Variants in CHD6 observed in about 807,000 individuals in gnomAD.
The protein encoded by CHD6 is chromodomain helicase DNA binding protein 6.
Under a neutral mutation model 276.9 loss-of-function variants are expected in CHD6, and 50 were observed. That is an observed-to-expected ratio of 0.18 (90% CI 0.14 to 0.23). CHD6 has a LOEUF of 0.23. CHD6 is among the 10% of genes least tolerant of loss of function. The probability of loss-of-function intolerance (pLI) is 1.00; values close to 1 mark genes in which losing one functional copy is unlikely to be tolerated. For synonymous variants in CHD6, 1,173 were observed against 1,229.3 expected (o/e 0.95, Z 0.96); for missense variants, 2,564 against 3,365.8 (o/e 0.76, Z 5.89).
intron 2 of CHD6, among the ~76,000 whole-genome samples, chr20:41,544,773 AATC>A (rs758982195): frequency 6.0e-5 from 9 of 151,256 alleles, no homozygotes; most frequent in South Asian, 2.1e-4. Flanking sequence ...ATATTATAAT[AATC>A]ATATTACTGT....
chr20:41,417,108 G>A (rs577422962), intron 32 of CHD6, 90 bp downstream of exon 32: 6 of 1,215,418 alleles, frequency 4.9e-6, no homozygotes, highest in Admixed American at 4.7e-5. Flanking sequence ...TGAGTTTCTT[G>A]TTCAGAACTA....
chr20:41,473,178 C>T lies in CHD6; in HGVS notation c.2664+144G>A. 7.7e-6 allele frequency: 5 copies of T among 649,410 alleles called. No individual in the cohort carries two copies. The highest frequency in any genetic ancestry group is 6.8e-5 in the South Asian group (3 of 44,404). The allele number at this position is 649,410 out of a possible 1,614,324, so 40.2% of individuals were successfully genotyped here. Reference sequence around the variant, plus strand: ...GACATTTACTTTTCATTCAGTTTCACCCCCTGACCAAGGCCCTAAGCCTGT... The same window carrying T: ...GACATTTACTTTTCATTCAGTTTCATCCCCTGACCAAGGCCCTAAGCCTGT... On this transcript the variant is annotated intron_variant, in intron 17 of 36. Coordinates refer to ENST00000373233, the MANE Select transcript of CHD6 (RefSeq NM_032221.5). The surrounding 1 kb of genome is among the most constrained non-coding windows in gnomAD (Gnocchi z 4.1).
chr20:41,448,956 C>T lies in CHD6; in HGVS notation c.3684-985G>A, dbSNP rs528959481. ...TGCTCTTGTCGCCCAGGCTGGAGTG[C>T]AATGGCGCGATCTTGGCTCACTGCA... On this transcript the variant is annotated intron_variant, in intron 23 of 36. Transcript: ENST00000373233. Among the ~76,000 whole-genome samples the T allele has an allele frequency of 4.6e-5, 7 of 150,684 alleles. No individual in the cohort carries two copies. The South Asian group carries it at 1.5e-3, about 32-fold the overall frequency.
At chr20:41,615,430 A>G (rs2045925921) in intron 1 of CHD6, among the ~76,000 whole-genome samples, 1 of 152,176 alleles carries the variant, frequency 6.6e-6, no homozygotes, top group African/African-American at 2.4e-5. Flanking sequence ...AGTTTTCAAT[A>G]TAATAACCTG....
chr20:41,506,819 G>T (rs148505880), intron 5 of CHD6, among the ~76,000 whole-genome samples: 8 of 152,234 alleles, frequency 5.3e-5, no homozygotes, highest in Non-Finnish European at 8.8e-5. Flanking sequence ...TTGTTCCTTG[G>T]TGTTATTTCC....
At chr20:41,426,238 C>G in intron 27 of CHD6, 85 bp from the exon 28 acceptor site, 1 of 952,032 alleles carries the variant, frequency 1.1e-6, no homozygotes, top group Non-Finnish European at 1.7e-6. Flanking sequence ...AAAGAGTAAG[C>G]ATCACGCATA....
intron 3 of CHD6, among the ~76,000 whole-genome samples, chr20:41,532,128 G>A (rs2044700835): frequency 6.6e-6 from 1 of 152,098 alleles, no homozygotes; most frequent in African/African-American, 2.4e-5. Flanking sequence ...TGACAGATAC[G>A]GAATTCCCTG....
chr20:41,605,361 CA>C (rs2045817348), intron 1 of CHD6, among the ~76,000 whole-genome samples: 1 of 152,084 alleles, frequency 6.6e-6, no homozygotes, highest in Non-Finnish European at 1.5e-5. Context: ...GAATGGAGAA[CA>C]AAGAGTTGAC....
intron 5 of CHD6, among the ~76,000 whole-genome samples, chr20:41,505,352 TC>T (rs1213319278): frequency 6.6e-6 from 1 of 152,138 alleles, no homozygotes; most frequent in Non-Finnish European, 1.5e-5. Context: ...CTTGAGGAAA[TC>T]CCCTTGCTTT....
intron 6 of CHD6, among the ~76,000 whole-genome samples, 189 bp from the exon 7 acceptor site, chr20:41,498,415 A>G (rs1193060501): frequency 6.6e-6 from 1 of 152,146 alleles, no homozygotes; most frequent in Admixed American, 6.5e-5. Flanking sequence ...ACACAGCTGC[A>G]AGGTAAAAAA....
At chr20:41,588,861 T>G (rs2045624686) in intron 1 of CHD6, among the ~76,000 whole-genome samples, 1 of 152,128 alleles carries the variant, frequency 6.6e-6, no homozygotes, top group African/African-American at 2.4e-5. Flanking sequence ...ATATTTCTAA[T>G]CAAAAGGTGA....
chr20:41,426,123 A>G lies in CHD6; in HGVS notation c.4099T>C (p.Phe1367Leu). The G allele has an allele frequency of 6.2e-7, 1 of 1,613,796 alleles. No individual in the cohort carries two copies. The highest frequency in any genetic ancestry group is 8.5e-7 in the Non-Finnish European group (1 of 1,179,656). ...CGGCTGTCATCCTTCTTTTCGCTAAAAACGCCATCACCTCCATCACTGGAA... is the reference window on the plus strand; with the variant it reads ...CGGCTGTCATCCTTCTTTTCGCTAAGAACGCCATCACCTCCATCACTGGAA... Reference protein sequence around the residue: ...ESSSDGGDGVFSEKKDDSRAA... With the variant: ...ESSSDGGDGVLSEKKDDSRAA... The change falls in exon 28 of 37, where the codon TTT becomes CTT. Residue 1367 changes from phenylalanine to leucine, a missense_variant. Transcript: ENST00000373233.
chr20:41,501,085 G>A (rs1040671996), intron 5 of CHD6, among the ~76,000 whole-genome samples: 1 of 152,130 alleles, frequency 6.6e-6, no homozygotes, highest in Non-Finnish European at 1.5e-5. Flanking sequence ...CAGTGAACAG[G>A]TGCTAGGTTA....
chr20:41,605,279 T>C lies in CHD6; in HGVS notation c.-24+13061A>G, dbSNP rs76744000. Among the ~76,000 whole-genome samples, 821 of 152,308 alleles carry C rather than the reference T, an allele frequency of 5.4e-3. 38 individuals carry two copies. The East Asian group carries it at 0.099, about 18-fold the overall frequency. On this transcript the variant is annotated intron_variant, in intron 1 of 36. Transcript: ENST00000373233. The stretch of plus-strand genomic sequence containing the variant: ...TCTGTAGGTTTGATACTTTTCAAGA[T>C]AGAAAGGACTATAAATCCTTTAAGT...
rs144030570 is a variant in CHD6, at chr20:41,513,998, C to T, written c.702+807G>A. ...CAACTCAACGTGCTTGGCTCCTCTGCCAATCTAGACACTTAACAGCCACCA... is the reference window on the plus strand; with the variant it reads ...CAACTCAACGTGCTTGGCTCCTCTGTCAATCTAGACACTTAACAGCCACCA... On this transcript the variant is annotated intron_variant, in intron 4 of 36. Coordinates refer to ENST00000373233, the MANE Select transcript of CHD6 (RefSeq NM_032221.5). 3.7e-3 allele frequency among the ~76,000 whole-genome samples: 570 copies of T among 152,296 alleles called. 5 individuals are homozygous for T. Among genetic ancestry groups the T allele is most frequent in the African/African-American group, 0.013 (553 of 41,562 alleles).
At chr20:41,507,737 T>G (rs542604313) in intron 5 of CHD6, among the ~76,000 whole-genome samples, 1 of 152,332 alleles carries the variant, frequency 6.6e-6, no homozygotes, top group South Asian at 2.1e-4. Flanking sequence ...AAGACCATTT[T>G]AATTCATACT....
At chr20:41,529,282 C>T (rs891328022) in intron 3 of CHD6, among the ~76,000 whole-genome samples, 3 of 152,152 alleles carry the variant, frequency 2.0e-5, no homozygotes, top group Non-Finnish European at 4.4e-5. Flanking sequence ...GGTATATATA[C>T]ATATACATAT....
intron 8 of CHD6, among the ~76,000 whole-genome samples, chr20:41,496,551 T>G (rs1175376152): frequency 6.6e-6 from 1 of 152,236 alleles, no homozygotes; most frequent in Non-Finnish European, 1.5e-5. Flanking sequence ...ACTAAGTTAC[T>G]ATTTGTATCA....
At chr20:41,526,112 T>C (rs950901489) in intron 3 of CHD6, among the ~76,000 whole-genome samples, 1 of 151,942 alleles carries the variant, frequency 6.6e-6, no homozygotes, top group Non-Finnish European at 1.5e-5. Flanking sequence ...AGGTCTACTA[T>C]GCACCAGGCC....
Sources: gnomAD v4.1 joint callset for allele counts (sites outside exome capture counted in the v4.1 genomes callset) on GRCh38, gnomAD v4.1.1 for gene constraint, Gnocchi (gnomAD v3.1) non-coding constraint, MANE v1.5 for transcripts, NCBI Gene and HGNC (gene_info 2026-07-23, HGNC 2026-07-21) for gene names.